TMC5: variants seen among roughly 807,000 people sequenced by gnomAD.
TMC5 encodes transmembrane channel like 5, also known as transmembrane channel-like protein 5.
In TMC5, 86 loss-of-function variants were observed where a neutral mutation model predicts 110.5. That is an observed-to-expected ratio of 0.78 (90% CI 0.65 to 0.93). The LOEUF (loss-of-function observed/expected upper bound fraction) is 0.93. Ranked by LOEUF, TMC5 falls within the 40% of genes least tolerant of loss-of-function variation. The pLI is 0.00. For missense variants in TMC5, 1,144 were observed against 1,222.8 expected, an observed-to-expected ratio of 0.94 and a Z score of 0.96; for synonymous variants, 455 against 439.5, an observed-to-expected ratio of 1.04 and a Z score of -0.44.
chr16:19,461,366 G>A (rs1322154047), intron 6 of TMC5, among the ~76,000 whole-genome samples: 1 of 152,160 alleles, frequency 6.6e-6, no homozygotes, highest in Non-Finnish European at 1.5e-5. Context: ...ATGAGGTCAG[G>A]AGTTTGAGAC....
chr16:19,465,736 C>A (rs922031071), intron 8 of TMC5, among the ~76,000 whole-genome samples: 1 of 152,136 alleles, frequency 6.6e-6, no homozygotes, highest in Admixed American at 6.6e-5. Context: ...AGGCTTGATT[C>A]GTTTCCTATT....
chr16:19,437,546 C>T (rs961737126), intron 2 of TMC5, among the ~76,000 whole-genome samples: 92 of 152,196 alleles, frequency 6.0e-4, no homozygotes, highest in African/African-American at 1.4e-3. Flanking sequence ...TTAATATTAT[C>T]GTAGCTCTGA....
At chr16:19,445,902 C>A in intron 4 of TMC5, among the ~76,000 whole-genome samples, 1 of 151,790 alleles carries the variant, frequency 6.6e-6, no homozygotes, top group Non-Finnish European at 1.5e-5. Context: ...GGGGTCCCAG[C>A]TACTTGGGAG....
intron 20 of TMC5, among the ~76,000 whole-genome samples, chr16:19,496,886 T>G (rs1969066823): frequency 3.8e-5 from 1 of 26,140 alleles, no homozygotes; most frequent in Admixed American, 5.8e-4. Flanking sequence ...CAAGACTCTG[T>G]CAAAAAAAAA....
Position 19,472,173 on chromosome 16 carries a change from G to A in TMC5, c.1868G>A (p.Trp623Ter). ...LTRFSAYMVA[W>*]VVSTGVAIAC... ...CGCTTCTCTGCCTACATGGTAGCCT[G>A]GGTTGTCTCTACAGGAGTGGCCATA... The change falls in exon 11 of 22, where the codon TGG becomes TAG. Residue 623 changes from tryptophan (W) to a stop codon, truncating the protein, a stop_gained. Coordinates refer to ENST00000542583, the MANE Select transcript of TMC5 (RefSeq NM_001261841.2). LOFTEE classifies it high-confidence loss of function. The A allele has an allele frequency of 6.2e-7, 1 of 1,614,158 alleles. No homozygotes were observed.
chr16:19,465,946 C>G, intron 8 of TMC5, 136 bp from the exon 9 acceptor site: 1 of 884,426 alleles, frequency 1.1e-6, no homozygotes, highest in African/African-American at 1.7e-5. Flanking sequence ...CTCAGTGCCC[C>G]TTTCCTGGAA....
chr16:19,446,909 C>A (rs1192957979), intron 4 of TMC5, among the ~76,000 whole-genome samples: 1 of 152,124 alleles, frequency 6.6e-6, no homozygotes, highest in African/African-American at 2.4e-5. Flanking sequence ...AGTGTTCACT[C>A]CTTAAGGAGA....
At chr16:19,428,121 G>T (rs9933588) in intron 1 of TMC5, among the ~76,000 whole-genome samples, 1 of 152,120 alleles carries the variant, frequency 6.6e-6, no homozygotes, top group African/African-American at 2.4e-5. Context: ...AGAAAGGATC[G>T]TGGTAAAAGA....
intron 18 of TMC5, among the ~76,000 whole-genome samples, 195 bp downstream of exon 18, chr16:19,490,763 C>CTT (rs1567327772): frequency 1.7e-4 from 8 of 46,808 alleles, no homozygotes; most frequent in African/African-American, 3.8e-4. Flanking sequence ...TCCTTCCTTC[C>CTT]CTTCCTTTTT....
intron 10 of TMC5, among the ~76,000 whole-genome samples, chr16:19,471,546 G>A (rs1238541576): frequency 1.3e-5 from 2 of 152,138 alleles, no homozygotes; most frequent in Non-Finnish European, 2.9e-5. Context: ...CTGAAAGATG[G>A]AAGCAGTGTT....
intron 5 of TMC5, chr16:19,457,116 G>A (rs537088442): frequency 2.9e-5 from 29 of 1,013,248 alleles, no homozygotes; most frequent in East Asian, 1.0e-4. Flanking sequence ...GGGGCCAGGC[G>A]TGGTGGCTCA....
At chr16:19,456,873 A>G in intron 5 of TMC5, 1 of 1,614,202 alleles carries the variant, frequency 6.2e-7, no homozygotes. Flanking sequence ...ATAGACTCTC[A>G]GACAGTCAGC....
At position 19,498,279 on chromosome 16, in the gene TMC5, T is replaced by C. The variant is rs1456743068; in HGVS notation, c.*313T>C. 2 of 325,848 alleles carry C rather than the reference T, an allele frequency of 6.1e-6. No individual in the cohort carries two copies. The highest frequency in any genetic ancestry group is 1.1e-5 in the Non-Finnish European group (2 of 174,260). 20.2% of individuals were successfully genotyped at this position (325,848 alleles called of 1,614,324 possible). A position where few individuals can be genotyped will look rare whatever the true frequency, so the allele number is the denominator to read the frequency against. Reference sequence around the variant, plus strand: ...AATAATGTATATTATCTTCAAGAAGTGTGTGCAGGAATGATTGGTTCTTAG... The same window carrying C: ...AATAATGTATATTATCTTCAAGAAGCGTGTGCAGGAATGATTGGTTCTTAG... On this transcript the variant is annotated 3_prime_UTR_variant, in exon 22 of 22. Transcript: ENST00000542583.
chr16:19,424,232 C>T (rs1967044135), intron 1 of TMC5, among the ~76,000 whole-genome samples: 1 of 152,182 alleles, frequency 6.6e-6, no homozygotes, highest in Admixed American at 6.5e-5. Flanking sequence ...TCCACAGGTT[C>T]AGTTATTTTC....
chr16:19,474,947 T>C (rs561653797), intron 12 of TMC5: 63 of 152,246 alleles, frequency 4.1e-4, no homozygotes, highest in African/African-American at 1.5e-3. Flanking sequence ...CAAACAAAGG[T>C]GGGAGGAGTG....
Position 19,460,272 on chromosome 16 carries a change from CAG to C in TMC5, c.1090_1091del (p.Asp364GlnfsTer3). On this transcript the variant is annotated frameshift_variant, in exon 6 of 22. Transcript: ENST00000542583. LOFTEE classifies it high-confidence loss of function. The part of the protein sequence containing the change: ...LIASLIPMTS[R>X]DRIKAIRNQP... ...TCGCATCCCTTATACCCATGACATC[CAG>C]AGACAGAATTAAAGCCATCAGGAAC... 1.2e-6 allele frequency: 2 copies of C among 1,613,702 alleles called. No individual in the cohort carries two copies. Among genetic ancestry groups the C allele is most frequent in the Non-Finnish European group, 1.7e-6 (2 of 1,179,742 alleles).
intron 9 of TMC5, 96 bp from the exon 10 acceptor site, chr16:19,469,585 T>C (rs1968273813): frequency 1.3e-6 from 2 of 1,490,640 alleles, no homozygotes; most frequent in African/African-American, 2.8e-5. Context: ...CACGTTGCCT[T>C]TCACCATTAA....
In TMC5 at chr16:19,430,461, G is replaced by A. The variant is rs996199795; in HGVS notation, c.-259G>A. On this transcript the variant is annotated 5_prime_UTR_variant, in exon 2 of 22. Coordinates refer to ENST00000542583, the MANE Select transcript of TMC5 (RefSeq NM_001261841.2). ...AGCAACTTGGAATATTCAGACTTCA[G>A]ACCAGCATCACAGATTATAACCCTC... The A allele has an allele frequency of 1.3e-5, 2 of 152,298 alleles. No individual in the cohort carries two copies. The highest frequency in any genetic ancestry group is 3.9e-4 in the East Asian group (2 of 5,168). 9.4% of individuals were successfully genotyped at this position (152,298 alleles called of 1,614,324 possible). A position where few individuals can be genotyped will look rare whatever the true frequency, so the allele number is the denominator to read the frequency against.
upstream of TMC5, among the ~76,000 whole-genome samples, chr16:19,415,949 G>A (rs1966874696): frequency 6.6e-6 from 1 of 152,200 alleles, no homozygotes; most frequent in East Asian, 1.9e-4. Flanking sequence ...GGGAAGCCAA[G>A]GTGGGATGAT....
Sources: gnomAD v4.1 joint callset for allele counts (sites outside exome capture counted in the v4.1 genomes callset) on GRCh38, gnomAD v4.1.1 for gene constraint, MANE v1.5 for transcripts, NCBI Gene and HGNC (gene_info 2026-07-23, HGNC 2026-07-21) for gene names.